Variants in MEMO1 observed in about 807,000 individuals in gnomAD.
The protein encoded by MEMO1 is mediator of cell motility 1, also known as protein MEMO1.
MEMO1 carries 6 observed loss-of-function variants against 45.2 expected under a neutral mutation model. That is an observed-to-expected ratio of 0.13 (90% confidence interval 0.07 to 0.26). The LOEUF is 0.26. Ranked by LOEUF, MEMO1 falls within the 10% of genes least tolerant of loss-of-function variation. The probability of loss-of-function intolerance (pLI) is 1.00; values close to 1 mark genes in which losing one functional copy is unlikely to be tolerated. For missense variants in MEMO1, 184 were observed against 370.5 expected, an observed-to-expected ratio of 0.50 and a Z score of 4.13; for synonymous variants, 78 against 124.3, an observed-to-expected ratio of 0.63 and a Z score of 2.48.
intron 7 of MEMO1, among the ~76,000 whole-genome samples, chr2:31,884,590 T>TA (rs1344879430): frequency 3.9e-5 from 6 of 152,224 alleles, no homozygotes; most frequent in Admixed American, 2.6e-4. Context: ...TGCAAAATTA[T>TA]AAAACCCTCT....
At chr2:31,880,862 A>T (rs924562303) in intron 8 of MEMO1, among the ~76,000 whole-genome samples, 3 of 151,876 alleles carry the variant, frequency 2.0e-5, no homozygotes, top group Non-Finnish European at 4.4e-5. Context: ...CTAAAAAATA[A>T]AAATAAAAAT....
intron 3 of MEMO1, among the ~76,000 whole-genome samples, chr2:31,933,522 T>C (rs1664556492): frequency 1.3e-5 from 2 of 151,436 alleles, no homozygotes; most frequent in Non-Finnish European, 2.9e-5. Context: ...AGGTCAAACA[T>C]CAAATTGTGT....
chr2:31,988,072 G>A (rs549597055), intron 2 of MEMO1, among the ~76,000 whole-genome samples: 1 of 152,276 alleles, frequency 6.6e-6, no homozygotes, highest in South Asian at 2.1e-4. Context: ...CCAAGATTAA[G>A]TTGGTAAGAG....
At chr2:31,903,277 C>T (rs1452330779) in intron 6 of MEMO1, among the ~76,000 whole-genome samples, 1 of 151,932 alleles carries the variant, frequency 6.6e-6, no homozygotes, top group Non-Finnish European at 1.5e-5. Flanking sequence ...AGAATTAAAC[C>T]AACTGTAACA....
chr2:31,889,441 T>G (rs1676630832), intron 7 of MEMO1, among the ~76,000 whole-genome samples: 1 of 152,028 alleles, frequency 6.6e-6, no homozygotes, highest in Non-Finnish European at 1.5e-5. Flanking sequence ...AGAAAAACCA[T>G]TAAGTATTAT....
At chr2:31,935,508 T>C (rs1197853978) in intron 3 of MEMO1, among the ~76,000 whole-genome samples, 2 of 152,032 alleles carry the variant, frequency 1.3e-5, no homozygotes, top group Non-Finnish European at 2.9e-5. Context: ...AGGAGAGTCT[T>C]AAGTTGAAAA....
At chr2:31,985,470 C>T (rs568550292) in intron 2 of MEMO1, among the ~76,000 whole-genome samples, 9 of 152,256 alleles carry the variant, frequency 5.9e-5, no homozygotes, top group African/African-American at 1.2e-4. Flanking sequence ...GGATTACAGG[C>T]GAGCGCCACC....
At chr2:31,943,406 T>C in intron 2 of MEMO1, 23 bp from the exon 3 acceptor site, 10 of 1,580,304 alleles carry the variant, frequency 6.3e-6, no homozygotes, top group Non-Finnish European at 8.7e-6. Context: ...AAAGACAAAA[T>C]TAGAGTCAGC....
At chr2:31,975,373 G>C (rs1669890848) in intron 2 of MEMO1, among the ~76,000 whole-genome samples, 1 of 152,112 alleles carries the variant, frequency 6.6e-6, no homozygotes, top group South Asian at 2.1e-4. Context: ...CTCATCTCCT[G>C]ATCTTTGTGA....
intron 6 of MEMO1, among the ~76,000 whole-genome samples, chr2:31,914,821 GGTAGTACATACCT>G (rs1681177570): frequency 6.6e-6 from 1 of 151,792 alleles, no homozygotes; most frequent in Non-Finnish European, 1.5e-5. Context: ...AGCCAGATAT[GGTAGTACATACCT>G]GTAGTGCCAC....
chr2:31,994,701 C>G (rs981988883), intron 2 of MEMO1, among the ~76,000 whole-genome samples: 2 of 151,952 alleles, frequency 1.3e-5, no homozygotes, highest in African/African-American at 4.8e-5. Flanking sequence ...ATAATCCCAG[C>G]CTTTGGGAGG....
At chr2:31,956,340 G>GAA (rs879311902) in intron 2 of MEMO1, among the ~76,000 whole-genome samples, 21 of 130,322 alleles carry the variant, frequency 1.6e-4, no homozygotes, top group African/African-American at 4.5e-4. Context: ...CAATTTCTTT[G>GAA]AAAAAAAAAA....
At chr2:31,986,230 T>C (rs1671240643) in intron 2 of MEMO1, among the ~76,000 whole-genome samples, 1 of 152,058 alleles carries the variant, frequency 6.6e-6, no homozygotes, top group African/African-American at 2.4e-5. Flanking sequence ...CCGTCTCTAC[T>C]AAAAATACAA....
chr2:31,923,707 A>G, intron 4 of MEMO1: 23 of 1,547,960 alleles, frequency 1.5e-5, no homozygotes, highest in Non-Finnish European at 2.0e-5. Flanking sequence ...GAGAAAGGAT[A>G]TTTAACATCA....
intron 2 of MEMO1, among the ~76,000 whole-genome samples, chr2:31,982,567 C>T (rs1258913807): frequency 7.8e-6 from 1 of 128,028 alleles, no homozygotes; most frequent in African/African-American, 3.0e-5. Flanking sequence ...CCAGCCTGGG[C>T]AACAGGGCAA....
intron 6 of MEMO1, among the ~76,000 whole-genome samples, chr2:31,907,381 A>C (rs1679909686): frequency 6.6e-6 from 1 of 152,228 alleles, no homozygotes; most frequent in Non-Finnish European, 1.5e-5. Context: ...ATCCTTAAAC[A>C]TAGATTAGTA....
At chr2:32,007,947 C>T (rs1428601066) in intron 2 of MEMO1, among the ~76,000 whole-genome samples, 1 of 152,126 alleles carries the variant, frequency 6.6e-6, no homozygotes, top group Admixed American at 6.6e-5. Flanking sequence ...CACACTGACT[C>T]CCCCAAAAAT....
chr2:31,950,183 C>A (rs941788793), intron 2 of MEMO1, among the ~76,000 whole-genome samples: 2 of 151,940 alleles, frequency 1.3e-5, no homozygotes, highest in African/African-American at 4.8e-5. Flanking sequence ...GAGTTTGAGA[C>A]CAGCCTGGCC....
chr2:31,889,533 T>C (rs1676653507), intron 7 of MEMO1, among the ~76,000 whole-genome samples: 1 of 152,086 alleles, frequency 6.6e-6, no homozygotes, highest in Admixed American at 6.6e-5. Context: ...GCCACTACAA[T>C]ATGAATGTGA....
Sources: allele counts gnomAD v4.1 joint callset (sites outside exome capture counted in the v4.1 genomes callset), GRCh38; gene constraint gnomAD v4.1.1; transcripts MANE v1.5; gene names NCBI Gene and HGNC (gene_info 2026-07-23, HGNC 2026-07-21).